Variants in ANO3 observed in about 807,000 individuals in gnomAD.
ANO3 encodes the protein anoctamin-3.
ANO3 carries 99 observed loss-of-function variants against 144.8 expected under a neutral mutation model. That is an observed-to-expected ratio of 0.68 (90% CI 0.58 to 0.81). The LOEUF (loss-of-function observed/expected upper bound fraction) is 0.81, where lower values mean the gene tolerates loss of function less well. ANO3 is among the 30% of genes least tolerant of loss of function. The probability of loss-of-function intolerance (pLI) is 0.00; values close to 1 mark genes in which losing one functional copy is unlikely to be tolerated. For synonymous variants in ANO3, 414 were observed against 392.6 expected (o/e 1.05, Z -0.64); for missense variants, 905 against 1,202.2 (o/e 0.75, Z 3.66).
chr11:26,413,258 A>G (rs1857480875), intron 1 of ANO3, among the ~76,000 whole-genome samples: 1 of 151,940 alleles, frequency 6.6e-6, no homozygotes, highest in Admixed American at 6.6e-5. Flanking sequence ...TTGTTATTCT[A>G]TCCTCCCTGA....
At chr11:26,474,304 T>C (rs977775755) in intron 4 of ANO3, among the ~76,000 whole-genome samples, 4 of 151,988 alleles carry the variant, frequency 2.6e-5, no homozygotes, top group African/African-American at 4.8e-5. Context: ...CTAAATGTGT[T>C]ATTTTTAAAA....
intron 1 of ANO3, among the ~76,000 whole-genome samples, chr11:26,302,674 G>A (rs774551270): frequency 8.5e-5 from 13 of 152,068 alleles, no homozygotes; most frequent in Non-Finnish European, 1.8e-4. Flanking sequence ...TGTGTTGAAA[G>A]TACACAGAGA....
intron 1 of ANO3, among the ~76,000 whole-genome samples, chr11:26,295,431 A>C (rs1854065730): frequency 6.6e-6 from 1 of 150,544 alleles, no homozygotes. Flanking sequence ...AGGCTGAGGC[A>C]GAAGAATGGC....
At chr11:26,565,625 G>C (rs985596895) in intron 14 of ANO3, 2 of 1,612,162 alleles carry the variant, frequency 1.2e-6, no homozygotes, top group African/African-American at 2.7e-5. Context: ...GGCTGTTGTT[G>C]GGTAGATTCA....
At chr11:26,457,255 C>T (rs1300980822) in intron 3 of ANO3, among the ~76,000 whole-genome samples, 1 of 16,684 alleles carries the variant, frequency 6.0e-5, no homozygotes, top group Admixed American at 1.1e-3. Context: ...AAAACCTGCA[C>T]GTTTTTGCAC....
At chr11:26,441,868 C>T in intron 1 of ANO3, 50 bp from the exon 2 acceptor site, 1 of 1,420,064 alleles carries the variant, frequency 7.0e-7, no homozygotes, top group Non-Finnish European at 9.8e-7. Flanking sequence ...TTTTATTGAC[C>T]TCTACTGATT....
chr11:26,436,398 G>A (rs1858296735), intron 1 of ANO3, among the ~76,000 whole-genome samples: 1 of 152,132 alleles, frequency 6.6e-6, no homozygotes, highest in Non-Finnish European at 1.5e-5. Context: ...CAACAGTCTG[G>A]CCATTTTTCC....
At chr11:26,502,840 A>G (rs1345668939) in intron 4 of ANO3, among the ~76,000 whole-genome samples, 4 of 106,082 alleles carry the variant, frequency 3.8e-5, no homozygotes, top group African/African-American at 9.3e-5. Flanking sequence ...AGAAGAATAA[A>G]CATTCAGGGA....
chr11:26,302,163 G>A (rs12223074), intron 1 of ANO3, among the ~76,000 whole-genome samples: 5,454 of 152,144 alleles, frequency 0.036, 154 homozygotes, highest in East Asian at 0.12. Flanking sequence ...GAGGAGAATA[G>A]CTAATTCATA....
chr11:26,441,869 T>G (rs1858531847), intron 1 of ANO3, 49 bp from the exon 2 acceptor site: 2 of 1,435,664 alleles, frequency 1.4e-6, no homozygotes, highest in African/African-American at 2.8e-5. Flanking sequence ...TTTATTGACC[T>G]CTACTGATTG....
intron 1 of ANO3, among the ~76,000 whole-genome samples, chr11:26,278,041 CA>C (rs1267593524): frequency 6.6e-6 from 1 of 152,070 alleles, no homozygotes; most frequent in Non-Finnish European, 1.5e-5. Context: ...ATCCACTCTC[CA>C]TCATTTTAGT....
intron 1 of ANO3, among the ~76,000 whole-genome samples, chr11:26,407,972 T>C (rs1420696672): frequency 6.6e-6 from 1 of 151,972 alleles, no homozygotes. Flanking sequence ...CTTTAATTAA[T>C]TCAAGATGGA....
At chr11:26,470,603 T>C (rs1859746009) in intron 4 of ANO3, among the ~76,000 whole-genome samples, 1 of 151,944 alleles carries the variant, frequency 6.6e-6, no homozygotes. Flanking sequence ...CTCTAAACTA[T>C]TTAAGGATAA....
chr11:26,189,431 T>G, intron 1 of ANO3: 2 of 660,800 alleles, frequency 3.0e-6, no homozygotes, highest in Non-Finnish European at 3.7e-6. Context: ...TCATCCATTT[T>G]CTGGTGGTAT....
At chr11:26,293,431 G>C (rs1363649740) in intron 1 of ANO3, among the ~76,000 whole-genome samples, 2 of 149,474 alleles carry the variant, frequency 1.3e-5, no homozygotes, top group Non-Finnish European at 3.0e-5. Context: ...CCAGTAACTA[G>C]ATCCAGGTTT....
intron 7 of ANO3, among the ~76,000 whole-genome samples, chr11:26,528,799 T>C (rs1355766348): frequency 6.6e-6 from 1 of 152,016 alleles, no homozygotes; most frequent in African/African-American, 2.4e-5. Context: ...GAGTAATTTC[T>C]GTGCAGTCTA....
chr11:26,629,718 G>A lies in ANO3; in HGVS notation c.1874-4486G>A, dbSNP rs140899485. 6.2e-3 allele frequency among the ~76,000 whole-genome samples: 947 copies of A among 152,038 alleles called. 12 individuals carry two copies. Among genetic ancestry groups the A allele is most frequent in the African/African-American group, 0.022 (910 of 41,472 alleles). ...GCAATCTCGACTCACCGCAACCTCC[G>A]CCTCTCAGGTTCAAGCAGTCCTCTT... On this transcript the variant is annotated intron_variant, in intron 18 of 26. Transcript: ENST00000256737.
intron 10 of ANO3, among the ~76,000 whole-genome samples, chr11:26,540,888 C>G (rs906723171): frequency 6.6e-6 from 1 of 152,052 alleles, no homozygotes; most frequent in African/African-American, 2.4e-5. Flanking sequence ...GACAGAGTAG[C>G]GATCCTTCAA....
At chr11:26,472,909 C>T (rs1232007712) in intron 4 of ANO3, among the ~76,000 whole-genome samples, 1 of 151,842 alleles carries the variant, frequency 6.6e-6, no homozygotes, top group Non-Finnish European at 1.5e-5. Flanking sequence ...GTTGTGTTTA[C>T]TGAATAGTTT....
Sources: allele counts gnomAD v4.1 joint callset (sites outside exome capture counted in the v4.1 genomes callset), GRCh38; gene constraint gnomAD v4.1.1; transcripts MANE v1.5; gene names NCBI Gene and HGNC (gene_info 2026-07-23, HGNC 2026-07-21).